The following FGL1 variants were observed in gnomAD, a reference collection of about 807,000 sequenced individuals.
FGL1 encodes the protein fibrinogen like 1.
Under a neutral mutation model 43.7 loss-of-function variants are expected in FGL1, and 59 were observed. The observed-to-expected ratio is 1.35, with a 90% CI of 1.10 to 1.68. The LOEUF (loss-of-function observed/expected upper bound fraction) is 1.68, where lower values mean the gene tolerates loss of function less well. Among genes scored for constraint, FGL1 ranks in the 40% most tolerant of loss-of-function variants. The pLI, the probability that FGL1 is intolerant of heterozygous loss-of-function variation, is 0.00. For synonymous variants in FGL1, 192 were observed against 126.5 expected, an observed-to-expected ratio of 1.52 and a Z score of -3.48; for missense variants, 596 against 373.0, an observed-to-expected ratio of 1.60 and a Z score of -4.92.
chr8:17,887,487 C>T (rs1342572192), intron 1 of FGL1, among the ~76,000 whole-genome samples: 1 of 152,198 alleles, frequency 6.6e-6, no homozygotes, highest in South Asian at 2.1e-4. Context: ...TGTATTACAA[C>T]ACTGGGCAGA....
At chr8:17,887,130 G>A (rs376471276) in intron 1 of FGL1, among the ~76,000 whole-genome samples, 2 of 151,958 alleles carry the variant, frequency 1.3e-5, no homozygotes, top group Admixed American at 6.6e-5. Flanking sequence ...GCTTTCCCAG[G>A]CTTCTTCTCT....
In FGL1 at chr8:17,881,293, C is replaced by T. The variant is rs200342168; in HGVS notation, c.244+706G>A. Among the ~76,000 whole-genome samples the T allele has an allele frequency of 5.9e-5, 9 of 151,826 alleles. No homozygotes were observed. The East Asian group carries it at 1.6e-3, about 27-fold the overall frequency. On this transcript the variant is annotated intron_variant, in intron 3 of 7. Transcript: ENST00000427924. ...CTGGGACTACAGGCACCTGCCACCA[C>T]GCCCAGCTAATTTTTGTATTTTTAG...
chr8:17,877,613 GAAA>G (rs36113738), intron 3 of FGL1, among the ~76,000 whole-genome samples: 1 of 148,180 alleles, frequency 6.7e-6, no homozygotes, highest in Non-Finnish European at 1.5e-5. Flanking sequence ...GCAACATAAG[GAAA>G]AAAAAAAAAG....
In FGL1 at chr8:17,895,446, C is replaced by A. The variant is rs111590050; in HGVS notation, c.-18+1G>T. 7.8e-7 allele frequency: 1 copy of A among 1,283,036 alleles called. No homozygotes were observed. Among genetic ancestry groups the A allele is most frequent in the East Asian group, 5.6e-5 (1 of 17,860 alleles). The allele number at this position is 1,283,036 out of a possible 1,614,324, so 79.5% of individuals were successfully genotyped here. ...AAATGCAGAGACATTAAATAACTTG[C>A]CTAAAGTCAGAAGTGAGTCAGAGAC... On this transcript the variant is annotated splice_donor_variant, in intron 1 of 7. Transcript: ENST00000427924. LOFTEE classifies it low-confidence loss of function (5UTR_SPLICE).
At chr8:17,872,169 T>C (rs935883709) in intron 5 of FGL1, among the ~76,000 whole-genome samples, 2 of 152,124 alleles carry the variant, frequency 1.3e-5, no homozygotes, top group Admixed American at 6.5e-5. Flanking sequence ...GGATTACTCA[T>C]CCTGTCTAAT....
At chr8:17,889,521 GC>G in intron 1 of FGL1, among the ~76,000 whole-genome samples, 1 of 151,960 alleles carries the variant, frequency 6.6e-6, no homozygotes, top group Non-Finnish European at 1.5e-5. Context: ...CTGTAGTTAA[GC>G]CTGGGTGACA....
chr8:17,879,691 T>C (rs1215902022), intron 3 of FGL1, among the ~76,000 whole-genome samples: 6 of 151,642 alleles, frequency 4.0e-5, no homozygotes, highest in African/African-American at 1.5e-4. Flanking sequence ...GCTGCTATGC[T>C]TCCTTTACAG....
intron 3 of FGL1, among the ~76,000 whole-genome samples, chr8:17,880,429 T>C (rs2053518167): frequency 6.6e-6 from 1 of 152,192 alleles, no homozygotes; most frequent in South Asian, 2.1e-4. Context: ...AATAAACATG[T>C]TTCTATTCCC....
rs1488969461 is a variant in FGL1 at position 17,894,019 on chromosome 8, T to C, written c.-18+1428A>G. On this transcript the variant is annotated intron_variant, in intron 1 of 7. Transcript: ENST00000427924. ...ACTATATTATTTTACATAATTTTAA[T>C]GCTATAAATTCTAATTCCTTCCCCA... Among the ~76,000 whole-genome samples, 4 of 147,184 alleles carry C rather than the reference T, an allele frequency of 2.7e-5. No individual in the cohort carries two copies. The East Asian group carries it at 7.7e-4, about 28-fold the overall frequency.
At chr8:17,891,919 A>G (rs1336400481) in intron 1 of FGL1, 3 of 321,540 alleles carry the variant, frequency 9.3e-6, no homozygotes, top group African/African-American at 4.5e-5. Flanking sequence ...TGGTTTTAAA[A>G]GAGACATTTG....
chr8:17,877,954 T>G (rs947869173), intron 3 of FGL1, among the ~76,000 whole-genome samples: 2 of 152,176 alleles, frequency 1.3e-5, no homozygotes, highest in African/African-American at 4.8e-5. Flanking sequence ...ATATATTAAC[T>G]CATTTTATTT....
intron 1 of FGL1, 200 bp downstream of exon 1, chr8:17,895,247 T>G (rs1585157029): frequency 1.1e-6 from 1 of 933,914 alleles, no homozygotes; most frequent in Non-Finnish European, 1.3e-6. Flanking sequence ...TCTGTATATT[T>G]GTATATCTGT....
intron 2 of FGL1, chr8:17,882,807 AATATATAATATATC>A (rs1196341927): frequency 9.0e-6 from 1 of 110,670 alleles, no homozygotes; most frequent in East Asian, 2.3e-4. Flanking sequence ...TATATTAAAC[AATATATAATATATC>A]ATATATAATA....
chr8:17,885,290 A>G (rs1389525403), intron 2 of FGL1, among the ~76,000 whole-genome samples: 2 of 152,014 alleles, frequency 1.3e-5, no homozygotes, highest in Admixed American at 1.3e-4. Context: ...TGATCCACCC[A>G]TCTCGGCCTC....
intron 1 of FGL1, among the ~76,000 whole-genome samples, chr8:17,889,912 A>T (rs982004078): frequency 2.0e-5 from 3 of 152,236 alleles, no homozygotes; most frequent in African/African-American, 7.2e-5. Flanking sequence ...TACCAAAAAA[A>T]TAGGTTCAAA....
intron 7 of FGL1, among the ~76,000 whole-genome samples, chr8:17,866,760 T>C (rs912096043): frequency 4.6e-5 from 7 of 152,262 alleles, no homozygotes; most frequent in Admixed American, 2.6e-4. Context: ...GGTTTTGATC[T>C]CAGGATACTA....
intron 1 of FGL1, among the ~76,000 whole-genome samples, chr8:17,890,001 T>C (rs2053682532): frequency 6.6e-6 from 1 of 152,256 alleles, no homozygotes; most frequent in Non-Finnish European, 1.5e-5. Flanking sequence ...CTGCCTCCCA[T>C]GTTAATACAT....
chr8:17,886,773 AGAG>A (rs904928769), intron 1 of FGL1, among the ~76,000 whole-genome samples: 2 of 81,008 alleles, frequency 2.5e-5, no homozygotes, highest in African/African-American at 9.3e-5. Context: ...AAACGAAATG[AGAG>A]GAGAAGAGAG....
At chr8:17,875,696 C>T (rs1437941589) in intron 3 of FGL1, among the ~76,000 whole-genome samples, 2 of 151,830 alleles carry the variant, frequency 1.3e-5, no homozygotes, top group Non-Finnish European at 2.9e-5. Flanking sequence ...CCTCCGCCTC[C>T]CGGGTTCAAG....
Sources: allele counts gnomAD v4.1 joint callset (sites outside exome capture counted in the v4.1 genomes callset), GRCh38; gene constraint gnomAD v4.1.1; transcripts MANE v1.5; gene names NCBI Gene and HGNC (gene_info 2026-07-23, HGNC 2026-07-21).